FHIT: variants seen among roughly 807,000 people sequenced by gnomAD.
FHIT encodes the protein fragile histidine triad diadenosine triphosphatase, also known as bis(5'-adenosyl)-triphosphatase.
A neutral mutation model predicts 17.9 loss-of-function variants in FHIT; 19 were observed. That is an observed-to-expected ratio of 1.06 (90% confidence interval 0.74 to 1.56). FHIT has a LOEUF of 1.56. Among genes scored for constraint, FHIT ranks in the 40% most tolerant of loss-of-function variants. FHIT has a pLI of 0.00. For missense variants in FHIT, 248 were observed against 189.2 expected, an observed-to-expected ratio of 1.31 and a Z score of -1.82; for synonymous variants, 81 against 69.7, an observed-to-expected ratio of 1.16 and a Z score of -0.81.
At chr3:60,824,317 G>T (rs1212593861) in intron 3 of FHIT, among the ~76,000 whole-genome samples, 1 of 152,178 alleles carries the variant, frequency 6.6e-6, no homozygotes, top group African/African-American at 2.4e-5. Context: ...ATTGCAGGTA[G>T]AGATACGCCT....
Position 61,006,918 on chromosome 3 carries a change from T to C in FHIT, c.-111+35129A>G, listed in dbSNP as rs1213372275. Among the ~76,000 whole-genome samples the C allele has an allele frequency of 2.0e-5, 3 of 152,082 alleles. No homozygotes were observed. The East Asian group carries it at 5.8e-4, about 29-fold the overall frequency. On this transcript the variant is annotated intron_variant, in intron 3 of 9. Transcript: ENST00000492590. Reference sequence around the variant, plus strand: ...TTCGATTGGAAAGAAGGAGGGGAAATAGTGAAAGAAAAATTAACCACAGAA... The same window carrying C: ...TTCGATTGGAAAGAAGGAGGGGAAACAGTGAAAGAAAAATTAACCACAGAA...
chr3:59,884,901 T>A lies in FHIT; in HGVS notation c.348+37445A>T, dbSNP rs907950018. 5.3e-5 allele frequency among the ~76,000 whole-genome samples: 8 copies of A among 152,344 alleles called. No homozygotes were observed. The South Asian group carries it at 6.2e-4, about 12-fold the overall frequency. On this transcript the variant is annotated intron_variant, in intron 8 of 9. Transcript: ENST00000492590. ...TAATGTTAAAAGATTCTGTACAATA[T>A]TTGATTGTATCCAAATAGTTTATAA...
intron 5 of FHIT, among the ~76,000 whole-genome samples, chr3:60,061,158 A>C (rs1358131462): frequency 6.6e-6 from 1 of 151,606 alleles, no homozygotes; most frequent in African/African-American, 2.4e-5. Context: ...GACGTTTTCT[A>C]ACAAGAGCCC....
At chr3:59,847,161 A>C (rs1373958951) in intron 8 of FHIT, among the ~76,000 whole-genome samples, 1 of 152,020 alleles carries the variant, frequency 6.6e-6, no homozygotes, top group Non-Finnish European at 1.5e-5. Flanking sequence ...TCTTCAAATA[A>C]TCTCTCTGCC....
chr3:60,318,396 A>T (rs747543436), intron 5 of FHIT, among the ~76,000 whole-genome samples: 1 of 152,240 alleles, frequency 6.6e-6, no homozygotes, highest in East Asian at 1.9e-4. Flanking sequence ...AATGACAGCA[A>T]AAGTTGCAAA....
chr3:60,123,967 A>AATATATATATATAT (rs1176212050), intron 5 of FHIT, among the ~76,000 whole-genome samples: 15 of 27,782 alleles, frequency 5.4e-4, no homozygotes, highest in South Asian at 1.3e-3. Flanking sequence ...ATGCACTAAA[A>AATATATATATATAT]ATATATATAT....
chr3:59,826,548 T>G (rs1190365964), intron 8 of FHIT, among the ~76,000 whole-genome samples: 1 of 152,262 alleles, frequency 6.6e-6, no homozygotes, highest in African/African-American at 2.4e-5. Flanking sequence ...GGTAAGTATG[T>G]GTAAGGCTTC....
At chr3:60,072,607 T>C (rs535650582) in intron 5 of FHIT, among the ~76,000 whole-genome samples, 9 of 152,184 alleles carry the variant, frequency 5.9e-5, no homozygotes, top group East Asian at 5.8e-4. Flanking sequence ...TCCCATTCTA[T>C]AGATGGAGAC....
chr3:61,203,961 G>C (rs556870222), intron 1 of FHIT, among the ~76,000 whole-genome samples: 43 of 152,242 alleles, frequency 2.8e-4, no homozygotes, highest in African/African-American at 9.9e-4. Context: ...ACATCTATCA[G>C]CAATACGATA....
chr3:60,219,447 G>A (rs1014378128), intron 5 of FHIT, among the ~76,000 whole-genome samples: 2 of 152,076 alleles, frequency 1.3e-5, no homozygotes, highest in South Asian at 2.1e-4. Flanking sequence ...TTAAACAAAA[G>A]GTAGTTTGTA....
At chr3:61,215,089 A>T (rs556540545) in intron 1 of FHIT, among the ~76,000 whole-genome samples, 2 of 151,870 alleles carry the variant, frequency 1.3e-5, no homozygotes, top group South Asian at 4.2e-4. Context: ...TCCCTTTGAA[A>T]ACTGGCACAA....
At chr3:60,617,407 C>A in intron 4 of FHIT, 1 of 184,574 alleles carries the variant, frequency 5.4e-6, no homozygotes. Flanking sequence ...CCAATAGTCT[C>A]GATCTGAATA....
At chr3:60,796,605 T>C (rs1020792672) in intron 4 of FHIT, among the ~76,000 whole-genome samples, 1 of 152,144 alleles carries the variant, frequency 6.6e-6, no homozygotes, top group Non-Finnish European at 1.5e-5. Context: ...TGTTTTGAGA[T>C]GGAGTCTTGG....
chr3:60,420,138 T>C (rs1345399034), intron 5 of FHIT, among the ~76,000 whole-genome samples: 1 of 152,162 alleles, frequency 6.6e-6, no homozygotes, highest in Non-Finnish European at 1.5e-5. Context: ...TACCTTTCAT[T>C]GTGCGTAAAT....
At position 59,928,537 on chromosome 3, in the gene FHIT, A is replaced by G. The variant is rs112951620; in HGVS notation, c.280-6123T>C. Among the ~76,000 whole-genome samples, 297 of 152,384 alleles carry G rather than the reference A, an allele frequency of 1.9e-3. 3 individuals carry two copies. The highest frequency in any genetic ancestry group is 6.7e-3 in the African/African-American group (279 of 41,588). ...TAAAATACATAAAGAACTACTTACA[A>G]CTAAGTAATAAAAAGACAAAAATCC... is the stretch of plus-strand genomic sequence containing the variant. On this transcript the variant is annotated intron_variant, in intron 7 of 9. Coordinates refer to ENST00000492590, the MANE Select transcript of FHIT (RefSeq NM_002012.4).
rs2038654129 is a variant in FHIT, at chr3:60,607,763, T to C, written c.-17-70784A>G. Among the ~76,000 whole-genome samples the C allele has an allele frequency of 2.6e-5, 4 of 152,130 alleles. 1 individual carries two copies. The South Asian group carries it at 6.2e-4, about 24-fold the overall frequency. Reference sequence around the variant, plus strand: ...TAGGAAAACTTTTGTCTGCAATACATACATATACATATATACACACATATA... The same window carrying C: ...TAGGAAAACTTTTGTCTGCAATACACACATATACATATATACACACATATA... On this transcript the variant is annotated intron_variant, in intron 4 of 9. Coordinates refer to ENST00000492590, the MANE Select transcript of FHIT (RefSeq NM_002012.4).
At chr3:59,784,464 C>T (rs186888011) in intron 8 of FHIT, among the ~76,000 whole-genome samples, 72 of 152,324 alleles carry the variant, frequency 4.7e-4, no homozygotes, top group African/African-American at 1.7e-3. Flanking sequence ...GCCTAGAAAG[C>T]CATACATTGC....
At chr3:60,126,795 G>T (rs1379648532) in intron 5 of FHIT, among the ~76,000 whole-genome samples, 1 of 152,162 alleles carries the variant, frequency 6.6e-6, no homozygotes, top group African/African-American at 2.4e-5. Context: ...CCCCATGCCA[G>T]ATCTGGGGAT....
intron 4 of FHIT, among the ~76,000 whole-genome samples, chr3:60,740,849 T>G (rs1461793997): frequency 2.0e-5 from 3 of 152,240 alleles, no homozygotes; most frequent in African/African-American, 4.8e-5. Context: ...TTTGGGCCAC[T>G]TGGGGTTATG....
Sources: allele counts gnomAD v4.1 joint callset (sites outside exome capture counted in the v4.1 genomes callset), GRCh38; gene constraint gnomAD v4.1.1; transcripts MANE v1.5; gene names NCBI Gene and HGNC (gene_info 2026-07-23, HGNC 2026-07-21).